Variants in SDK1 observed in about 807,000 individuals in gnomAD.
SDK1 encodes protein sidekick-1.
Under a neutral mutation model 245.5 loss-of-function variants are expected in SDK1, and 157 were observed. That is an observed-to-expected ratio of 0.64 (90% CI 0.56 to 0.73). SDK1 has a LOEUF of 0.73. SDK1 is among the 30% of genes least tolerant of loss of function. SDK1 has a pLI of 0.00. For missense variants in SDK1, 3,583 were observed against 3,002.3 expected (o/e 1.19, Z -4.52); for synonymous variants, 1,647 against 1,278.5 (o/e 1.29, Z -6.15).
chr7:3,982,583 G>C (rs1268651132), intron 13 of SDK1, among the ~76,000 whole-genome samples: 1 of 152,102 alleles, frequency 6.6e-6, no homozygotes, highest in Non-Finnish European at 1.5e-5. Flanking sequence ...GCTCACGCCT[G>C]TAATCCCAAC....
chr7:4,033,582 G>A (rs1221087940), intron 17 of SDK1, among the ~76,000 whole-genome samples: 1 of 152,078 alleles, frequency 6.6e-6, no homozygotes, highest in East Asian at 1.9e-4. Context: ...CCAGAGAAAT[G>A]GTTAATATCT....
At chr7:3,536,288 G>A (rs1180143559) in intron 1 of SDK1, among the ~76,000 whole-genome samples, 3 of 151,616 alleles carry the variant, frequency 2.0e-5, no homozygotes, top group African/African-American at 4.8e-5. Flanking sequence ...GGATGGTCTC[G>A]ATCTCCTGAC....
intron 5 of SDK1, among the ~76,000 whole-genome samples, chr7:3,875,435 C>T (rs1267148640): frequency 6.6e-6 from 1 of 152,196 alleles, no homozygotes; most frequent in African/African-American, 2.4e-5. Context: ...CCAAGATAAT[C>T]CCCAGATCAC....
chr7:4,209,052 A>G (rs921542805), intron 37 of SDK1, among the ~76,000 whole-genome samples: 1 of 152,190 alleles, frequency 6.6e-6, no homozygotes, highest in African/African-American at 2.4e-5. Flanking sequence ...CCATGGGTTC[A>G]GCTGACCCAC....
intron 35 of SDK1, among the ~76,000 whole-genome samples, chr7:4,190,914 G>C (rs948823274): frequency 1.3e-5 from 2 of 152,306 alleles, no homozygotes; most frequent in Middle Eastern, 3.4e-3. Context: ...TGGAGGGCGG[G>C]GAGGCTCCTT....
chr7:3,425,777 A>G (rs1284362687), intron 1 of SDK1, among the ~76,000 whole-genome samples: 1 of 152,202 alleles, frequency 6.6e-6, no homozygotes, highest in Non-Finnish European at 1.5e-5. Context: ...CTTTTATTGA[A>G]AGTCCTGGAA....
chr7:3,722,441 G>T (rs369175183), intron 4 of SDK1, among the ~76,000 whole-genome samples: 22 of 152,238 alleles, frequency 1.4e-4, no homozygotes, highest in African/African-American at 5.3e-4. Context: ...CCTTTAATCA[G>T]GGAAGCTTGC....
chr7:3,538,196 T>C (rs1294381996), intron 1 of SDK1, among the ~76,000 whole-genome samples: 1 of 152,182 alleles, frequency 6.6e-6, no homozygotes, highest in Non-Finnish European at 1.5e-5. Context: ...TGTTGGCAAT[T>C]ACATTGGCCA....
chr7:3,985,699 A>C (rs1462568310), intron 13 of SDK1, among the ~76,000 whole-genome samples: 1 of 152,182 alleles, frequency 6.6e-6, no homozygotes, highest in East Asian at 1.9e-4. Context: ...AGAAAACAAG[A>C]CGACATCCTG....
At chr7:3,392,942 G>GT (rs1306704761) in intron 1 of SDK1, among the ~76,000 whole-genome samples, 1 of 125,890 alleles carries the variant, frequency 7.9e-6, no homozygotes, top group Non-Finnish European at 1.7e-5. Context: ...ACAGGTATCT[G>GT]TTTGAGTCCC....
intron 1 of SDK1, among the ~76,000 whole-genome samples, chr7:3,481,523 A>G (rs1253564565): frequency 1.3e-5 from 2 of 152,264 alleles, no homozygotes; most frequent in Admixed American, 6.5e-5. Context: ...GTGGCTACCA[A>G]CTGGGTCCAG....
chr7:3,441,048 T>G (rs1407744983), intron 1 of SDK1, among the ~76,000 whole-genome samples: 1 of 152,170 alleles, frequency 6.6e-6, no homozygotes, highest in African/African-American at 2.4e-5. Context: ...CATACGTCTT[T>G]CACCCTACTT....
chr7:3,370,179 C>G (rs983836968), intron 1 of SDK1, among the ~76,000 whole-genome samples: 4 of 152,128 alleles, frequency 2.6e-5, no homozygotes, highest in African/African-American at 4.8e-5. Flanking sequence ...TTGTTAATGC[C>G]TCAGAACTAA....
chr7:3,751,259 C>G (rs1286383024), intron 4 of SDK1, among the ~76,000 whole-genome samples: 1 of 152,180 alleles, frequency 6.6e-6, no homozygotes, highest in African/African-American at 2.4e-5. Flanking sequence ...TCTGATGATC[C>G]TTCTCAAGGT....
chr7:3,934,105 A>G (rs1780076005), intron 5 of SDK1, among the ~76,000 whole-genome samples: 1 of 152,216 alleles, frequency 6.6e-6, no homozygotes, highest in South Asian at 2.1e-4. Context: ...GAATAGCGGT[A>G]ATTTCTACTC....
chr7:4,092,442 G>A (rs1300971789), intron 22 of SDK1, among the ~76,000 whole-genome samples: 1 of 152,176 alleles, frequency 6.6e-6, no homozygotes, highest in Non-Finnish European at 1.5e-5. Flanking sequence ...CTAAACTCCA[G>A]GCAGCGGGGC....
chr7:3,479,626 G>A (rs964428018), intron 1 of SDK1, among the ~76,000 whole-genome samples: 1 of 151,916 alleles, frequency 6.6e-6, no homozygotes, highest in African/African-American at 2.4e-5. Flanking sequence ...CACTTTGGGA[G>A]GTCGAGGTGG....
At chr7:3,910,549 C>A (rs980709551) in intron 5 of SDK1, among the ~76,000 whole-genome samples, 3 of 152,164 alleles carry the variant, frequency 2.0e-5, no homozygotes. Flanking sequence ...CGGTTACCTT[C>A]GGCGCTACCA....
At chr7:4,089,105 C>G (rs1781621775) in intron 22 of SDK1, among the ~76,000 whole-genome samples, 1 of 150,952 alleles carries the variant, frequency 6.6e-6, no homozygotes, top group African/African-American at 2.4e-5. Context: ...GACCCTCTCT[C>G]AGGCGGAGGT....
Sources: allele counts gnomAD v4.1 joint callset (sites outside exome capture counted in the v4.1 genomes callset), GRCh38; gene constraint gnomAD v4.1.1; transcripts MANE v1.5; gene names NCBI Gene and HGNC (gene_info 2026-07-23, HGNC 2026-07-21).